The following STARD8 variants were observed in gnomAD, a reference collection of about 807,000 sequenced individuals.
STARD8 encodes the protein stAR-related lipid transfer protein 8.
A neutral mutation model predicts 69.4 loss-of-function variants in STARD8; 25 were observed. That is an observed-to-expected ratio of 0.36 (90% CI 0.26 to 0.50). The LOEUF (loss-of-function observed/expected upper bound fraction) is 0.50, where lower values mean the gene tolerates loss of function less well. Ranked by LOEUF, STARD8 falls within the 20% of genes least tolerant of loss-of-function variation. The pLI is 0.96. For missense variants in STARD8, 921 were observed against 932.5 expected (o/e 0.99, Z 0.16); for synonymous variants, 389 against 374.6 (o/e 1.04, Z -0.45).
chrX:68,653,420 C>G (rs1439144077), intron 1 of STARD8, among the ~76,000 whole-genome samples: 2 of 50,689 alleles, frequency 3.9e-5, no homozygotes, highest in African/African-American at 1.6e-4. Flanking sequence ...CACCACACCA[C>G]ACACACCACA....
In STARD8 at chrX:68,687,015, A is replaced by G. The variant is rs773801475; in HGVS notation, c.79+21483A>G. On this transcript the variant is annotated intron_variant, in intron 2 of 14. Coordinates refer to ENST00000374599, the MANE Select transcript of STARD8 (RefSeq NM_001142503.3). ...GTTCACCCTCCTGTCTTCCTGTCCC[A>G]CTATATGTCTAAACCTCAACCTGTA... Among the ~76,000 whole-genome samples the G allele has an allele frequency of 2.7e-5, 3 of 110,925 alleles. No homozygotes were observed. The South Asian group carries it at 1.1e-3, about 42-fold the overall frequency.
chrX:68,709,689 T>A (rs2080034967), intron 2 of STARD8, among the ~76,000 whole-genome samples: 1 of 109,895 alleles, frequency 9.1e-6, no homozygotes, highest in Non-Finnish European at 1.9e-5. Context: ...TGTGGTGTGG[T>A]GGATGCTATT....
intron 1 of STARD8, among the ~76,000 whole-genome samples, chrX:68,662,165 G>A (rs976514693): frequency 5.5e-5 from 6 of 109,708 alleles, no homozygotes; most frequent in Non-Finnish European, 5.7e-5. Flanking sequence ...GTGCCACCAC[G>A]CCCAGCTAAT....
rs1309641802 is a variant in STARD8 at position 68,722,607 on chromosome X, C to T, written c.2760C>T (p.Ser920=). 20 of 1,210,497 alleles carry T rather than the reference C, an allele frequency of 1.7e-5. No individual in the cohort carries two copies. Among genetic ancestry groups the T allele is most frequent in the South Asian group, 3.5e-5 (2 of 56,865 alleles). Residue 920 remains serine, a synonymous_variant, in exon 12 of 15, where the codon AGC becomes AGT. Transcript: ENST00000374599. ...DAAERFKGWM[S]VPGPQHTELA... is the part of the protein sequence containing the mutation. The stretch of plus-strand genomic sequence containing the variant: ...CTGAGCGCTTCAAGGGCTGGATGAG[C>T]GTGCCAGGGCCCCAGCACACGGAGC...
At chrX:68,693,868 G>T in intron 2 of STARD8, 1 of 727,096 alleles carries the variant, frequency 1.4e-6, no homozygotes. Flanking sequence ...CAGACAAACG[G>T]GGGCGCCTGG....
chrX:68,654,764 G>C (rs1218113787), intron 1 of STARD8, among the ~76,000 whole-genome samples: 1 of 111,712 alleles, frequency 9.0e-6, no homozygotes, highest in Non-Finnish European at 1.9e-5. Flanking sequence ...CAAGTGAGGT[G>C]AGCATGCATC....
chrX:68,724,121 G>T lies in STARD8; in HGVS notation c.3194G>T (p.Arg1065Met). 8.3e-7 allele frequency: 1 copy of T among 1,209,052 alleles called. No homozygotes were observed. Among genetic ancestry groups the T allele is most frequent in the Non-Finnish European group, 1.1e-6 (1 of 894,138 alleles). The change falls in exon 14 of 15, where the codon AGG becomes ATG. Residue 1065 changes from arginine (R) to methionine (M), a missense_variant and splice_region_variant. Transcript: ENST00000374599. ...ACACACATCTGCCGGGCTGACCTCA[G>T]GTATCAGGCCTGGGACAGCCTGCTC... is the stretch of plus-strand genomic sequence containing the variant. ...RLTHICRADL[R>M]GRSPDWYNKV... is the part of the protein sequence containing the mutation.
At chrX:68,658,683 C>T (rs1569352680) in intron 1 of STARD8, among the ~76,000 whole-genome samples, 1 of 112,482 alleles carries the variant, frequency 8.9e-6, no homozygotes, top group Non-Finnish European at 1.9e-5. Context: ...AGCCAGGGCC[C>T]GGCCTGCATT....
rs147571370 is a variant in STARD8, at chrX:68,718,078, A to G, written c.1164A>G (p.Leu388=). 2.5e-3 allele frequency: 3,020 copies of G among 1,209,791 alleles called. 5 individuals carry two copies. The highest frequency in any genetic ancestry group is 3.1e-3 in the Non-Finnish European group (2,746 of 895,052). ...DEESGGSYAH[L]DDILQHVWGL... is the part of the protein sequence containing the mutation. ...AGAGTGGGGGCAGCTATGCTCACCT[A>G]GACGACATCCTCCAGCACGTGTGGG... The change falls in exon 6 of 15, where the codon CTA becomes CTG. Residue 388 remains leucine (L), a synonymous_variant. Transcript: ENST00000374599.
At chrX:68,683,375 TAG>T (rs1299302083) in intron 2 of STARD8, among the ~76,000 whole-genome samples, 1 of 112,194 alleles carries the variant, frequency 8.9e-6, no homozygotes, top group Admixed American at 9.4e-5. Flanking sequence ...CAGCTTATCA[TAG>T]AGTTATATAT....
At chrX:68,654,779 T>C (rs1007029756) in intron 1 of STARD8, among the ~76,000 whole-genome samples, 1 of 111,568 alleles carries the variant, frequency 9.0e-6, no homozygotes, top group Non-Finnish European at 1.9e-5. Flanking sequence ...TGCATCCTCC[T>C]TATGTGTGCT....
Position 68,647,842 on chromosome X carries a change from G to C in STARD8, c.-41G>C, listed in dbSNP as rs890847277. 3 of 1,183,199 alleles carry C rather than the reference G, an allele frequency of 2.5e-6. No homozygotes were observed. The highest frequency in any genetic ancestry group is 3.4e-6 in the Non-Finnish European group (3 of 881,315). On this transcript the variant is annotated 5_prime_UTR_variant, in exon 1 of 15. Coordinates refer to ENST00000374599, the MANE Select transcript of STARD8 (RefSeq NM_001142503.3). ...CCCAGAGAGGGAGGAGCCGGTGCCC[G>C]GCACAGCCCCGCCGGCCCTAGAAGC...
intron 2 of STARD8, among the ~76,000 whole-genome samples, chrX:68,711,910 G>C (rs1006492099): frequency 5.3e-5 from 6 of 112,824 alleles, no homozygotes. Flanking sequence ...CAACCAACCC[G>C]GTGATGCCAG....
At chrX:68,674,052 G>C (rs921095038) in intron 2 of STARD8, among the ~76,000 whole-genome samples, 5 of 111,422 alleles carry the variant, frequency 4.5e-5, no homozygotes, top group Non-Finnish European at 9.4e-5. Flanking sequence ...CCAGCACTTT[G>C]GGAGGCCAAG....
intron 4 of STARD8, among the ~76,000 whole-genome samples, chrX:68,715,981 A>G (rs113423657): frequency 2.7e-5 from 3 of 112,240 alleles, no homozygotes; most frequent in African/African-American, 9.7e-5. Context: ...GTATACCTAC[A>G]GTGTCCTGTG....
intron 2 of STARD8, among the ~76,000 whole-genome samples, chrX:68,687,506 C>T (rs900455210): frequency 1.8e-5 from 2 of 111,719 alleles, no homozygotes; most frequent in African/African-American, 6.5e-5. Flanking sequence ...CTTGATTCCA[C>T]TTAAAGGGCA....
chrX:68,715,828 G>T (rs1014027976), intron 4 of STARD8, among the ~76,000 whole-genome samples: 1 of 111,885 alleles, frequency 8.9e-6, no homozygotes, highest in African/African-American at 3.3e-5. Flanking sequence ...GCTCCAAATG[G>T]TTGTTCTTTC....
intron 2 of STARD8, among the ~76,000 whole-genome samples, chrX:68,684,350 G>A (rs976810346): frequency 8.9e-6 from 1 of 112,516 alleles, no homozygotes; most frequent in Admixed American, 9.3e-5. Context: ...GTTCTGGCTG[G>A]AGCTGAAGCA....
rs7052444 is a variant in STARD8 at position 68,713,048 on chromosome X, G to A, written c.151+63G>A. 27,782 of 1,059,766 alleles carry A rather than the reference G, an allele frequency of 0.026. 3,582 individuals are homozygous for A. The African/African-American group carries it at 0.41, about 16-fold the overall frequency. 87.3% of individuals were successfully genotyped at this position (1,059,766 alleles called of 1,213,427 possible). A position where few individuals can be genotyped will look rare whatever the true frequency, so the allele number is the denominator to read the frequency against. Reference sequence around the variant, plus strand: ...CTAGCCCTCAGTTTTTCATCTGTTAGATGGGGCAAGTCAGATTCTCTTTCC... The same window carrying A: ...CTAGCCCTCAGTTTTTCATCTGTTAAATGGGGCAAGTCAGATTCTCTTTCC... On this transcript the variant is annotated intron_variant, in intron 3 of 14. Coordinates refer to ENST00000374599, the MANE Select transcript of STARD8 (RefSeq NM_001142503.3).
Sources: gnomAD v4.1 joint callset for allele counts (sites outside exome capture counted in the v4.1 genomes callset) on GRCh38, gnomAD v4.1.1 for gene constraint, MANE v1.5 for transcripts, NCBI Gene and HGNC (gene_info 2026-07-23, HGNC 2026-07-21) for gene names.